Variants in ABHD12B observed in about 807,000 individuals in gnomAD.
ABHD12B encodes abhydrolase domain containing 12B.
Under a neutral mutation model 50.4 loss-of-function variants are expected in ABHD12B, and 42 were observed. That is an observed-to-expected ratio of 0.83 (90% confidence interval 0.65 to 1.08). The LOEUF (loss-of-function observed/expected upper bound fraction) is 1.08. Ranked by LOEUF, ABHD12B falls within the 50% of genes least tolerant of loss-of-function variation. ABHD12B has a pLI of 0.00. For synonymous variants in ABHD12B, 167 were observed against 160.3 expected (o/e 1.04, Z -0.32); for missense variants, 479 against 447.7 (o/e 1.07, Z -0.63).
rs887691384 is a variant in ABHD12B at position 50,895,239 on chromosome 14, CA to C, written c.780+6341del. Among the ~76,000 whole-genome samples the C allele has an allele frequency of 6.0e-5, 9 of 149,628 alleles. 1 individual carries two copies. Among genetic ancestry groups the C allele is most frequent in the African/African-American group, 2.3e-4 (9 of 39,008 alleles). ...CTGCTCCCGACATTAAATAAAACTCCAAAAATTAGATTCCGGCCCTCAAACC... is the reference window on the plus strand; with the variant it reads ...CTGCTCCCGACATTAAATAAAACTCCAAAATTAGATTCCGGCCCTCAAACC... On this transcript the variant is annotated intron_variant, in intron 9 of 12. Coordinates refer to ENST00000337334, the MANE Select transcript of ABHD12B (RefSeq NM_001206673.2).
intron 9 of ABHD12B, among the ~76,000 whole-genome samples, chr14:50,897,909 T>C (rs1324692932): frequency 6.6e-6 from 1 of 152,208 alleles, no homozygotes; most frequent in Non-Finnish European, 1.5e-5. Context: ...TAAAGTGTTA[T>C]GTATGGCAGG....
Position 50,885,904 on chromosome 14 carries a change from G to A in ABHD12B, c.662+9G>A. 6.2e-7 allele frequency: 1 copy of A among 1,613,850 alleles called. No homozygotes were observed. Among genetic ancestry groups the A allele is most frequent in the South Asian group, 1.1e-5 (1 of 91,040 alleles). ...CACTCTCTGGGTACAGGGTAAGTGA[G>A]ATCTGCAAATGTGTCCTTAGGCAGG... On this transcript the variant is annotated intron_variant, in intron 7 of 12. Transcript: ENST00000337334.
At chr14:50,886,617 A>T in intron 7 of ABHD12B, 30 bp from the exon 8 acceptor site, 1 of 1,601,646 alleles carries the variant, frequency 6.2e-7, no homozygotes, top group South Asian at 1.1e-5. Context: ...TTATTGCTTA[A>T]CACATGTACT....
At chr14:50,894,390 C>T (rs1198690643) in intron 9 of ABHD12B, among the ~76,000 whole-genome samples, 1 of 151,918 alleles carries the variant, frequency 6.6e-6, no homozygotes, top group Non-Finnish European at 1.5e-5. Flanking sequence ...AGAACCCCCC[C>T]ACCCCTTCTC....
chr14:50,904,151 C>T lies in ABHD12B; in HGVS notation c.1020C>T (p.His340=), dbSNP rs2050300666. The T allele has an allele frequency of 6.2e-7, 1 of 1,614,192 alleles. No homozygotes were observed. Residue 340 remains histidine (H), a synonymous_variant, in exon 12 of 13, where the codon CAC becomes CAT. Transcript: ENST00000337334. ...KMVIFPPGFQ[H]NLLCKSPTLL... ...TTATCTTTCCTCCTGGCTTCCAACA[C>T]AACCTGCTTTGTAAAAGCCCCACAC...
Position 50,901,828 on chromosome 14 carries a change from G to C in ABHD12B, c.781-1G>C. 1 of 1,584,686 alleles carries C rather than the reference G, an allele frequency of 6.3e-7. No homozygotes were observed. The highest frequency in any genetic ancestry group is 2.3e-5 in the East Asian group (1 of 44,336). On this transcript the variant is annotated splice_acceptor_variant, in intron 9 of 12. Coordinates refer to ENST00000337334, the MANE Select transcript of ABHD12B (RefSeq NM_001206673.2). LOFTEE classifies it high-confidence loss of function. ...AATTTTTTTTTCTTTTTTAAAAATAGATTTACCGGAACATTCCAGGATTTT... is the reference window on the plus strand; with the variant it reads ...AATTTTTTTTTCTTTTTTAAAAATACATTTACCGGAACATTCCAGGATTTT...
intron 9 of ABHD12B, among the ~76,000 whole-genome samples, chr14:50,897,034 T>TA (rs1302459608): frequency 2.0e-5 from 3 of 152,190 alleles, no homozygotes; most frequent in Non-Finnish European, 1.5e-5. Context: ...GTTATGTTGT[T>TA]AGGTACATAA....
chr14:50,888,893 C>T lies in ABHD12B; in HGVS notation c.770C>T (p.Pro257Leu). ...ATGTGGGTTGCAAGTATCAATTATC[C>T]CTTGTTAAAGGTGAGACTCTGATTC... The part of the protein sequence containing the change: ...TNMWVASINY[P>L]LLKIYRNIPG... The change falls in exon 9 of 13, where the codon CCC (proline) becomes CTC (leucine). Residue 257 changes from proline to leucine, a missense_variant. Pro to Leu is a moderately conservative substitution (Grantham distance 98, BLOSUM62 -3). Coordinates refer to ENST00000337334, the MANE Select transcript of ABHD12B (RefSeq NM_001206673.2). The T allele has an allele frequency of 6.2e-7, 1 of 1,613,872 alleles. No homozygotes were observed. Among genetic ancestry groups the T allele is most frequent in the South Asian group, 1.1e-5 (1 of 91,060 alleles).
At chr14:50,896,115 C>G (rs2050195690) in intron 9 of ABHD12B, among the ~76,000 whole-genome samples, 1 of 152,140 alleles carries the variant, frequency 6.6e-6, no homozygotes, top group Non-Finnish European at 1.5e-5. Flanking sequence ...TCATGCACCC[C>G]TTACCATCTC....
chr14:50,872,077 G>T lies in ABHD12B; in HGVS notation c.-98G>T. 1.1e-6 allele frequency: 1 copy of T among 908,746 alleles called. No individual in the cohort carries two copies. The highest frequency in any genetic ancestry group is 1.4e-6 in the Non-Finnish European group (1 of 705,750). The allele number at this position is 908,746 out of a possible 1,614,324, so 56.3% of individuals were successfully genotyped here. A position where few individuals can be genotyped will look rare whatever the true frequency, so the allele number is the denominator to read the frequency against. On this transcript the variant is annotated 5_prime_UTR_variant, in exon 1 of 13. Transcript: ENST00000337334. ...CAGCCTGCCTGACCGCGCGGAGGAG[G>T]AGGGCGGGCGCGGTGCCGCCGGGGC... is the stretch of plus-strand genomic sequence containing the variant.
chr14:50,889,499 G>A (rs2142749495), intron 9 of ABHD12B, among the ~76,000 whole-genome samples: 1 of 152,288 alleles, frequency 6.6e-6, no homozygotes, highest in East Asian at 1.9e-4. Context: ...TTAGCTGGGT[G>A]TGGCGGCACG....
intron 9 of ABHD12B, among the ~76,000 whole-genome samples, chr14:50,890,674 A>G (rs1230864314): frequency 6.6e-6 from 1 of 152,154 alleles, no homozygotes; most frequent in African/African-American, 2.4e-5. Flanking sequence ...ATACTATTCC[A>G]TTGTATGTAC....
chr14:50,900,571 T>A (rs2050250939), intron 9 of ABHD12B, among the ~76,000 whole-genome samples: 1 of 152,072 alleles, frequency 6.6e-6, no homozygotes, highest in Non-Finnish European at 1.5e-5. Flanking sequence ...GACTGGGTGG[T>A]GGGGGCAAGG....
At chr14:50,895,722 G>A (rs1408627587) in intron 9 of ABHD12B, 2 of 152,130 alleles carry the variant, frequency 1.3e-5, no homozygotes, top group African/African-American at 4.8e-5. Context: ...CACAGTGCAA[G>A]GTAGGCCCGT....
At chr14:50,877,406 A>G (rs558293007) in intron 1 of ABHD12B, among the ~76,000 whole-genome samples, 2 of 152,316 alleles carry the variant, frequency 1.3e-5, no homozygotes, top group East Asian at 3.9e-4. Flanking sequence ...ATGGGGCTAC[A>G]GTAAGGGACC....
chr14:50,895,532 C>G (rs1334810137), intron 9 of ABHD12B: 1 of 152,182 alleles, frequency 6.6e-6, no homozygotes. Context: ...TGGGACCCCA[C>G]TGAAAATCGG....
In ABHD12B at chr14:50,897,772, A is replaced by G. The variant is rs904941420; in HGVS notation, c.781-4057A>G. The stretch of plus-strand genomic sequence containing the variant: ...CATTTTTTTACCAAGGGGTTGGCGA[A>G]GACCACTGCACAGGGTTGTTGTGAA... On this transcript the variant is annotated intron_variant, in intron 9 of 12. Transcript: ENST00000337334. Among the ~76,000 whole-genome samples, 8 of 152,372 alleles carry G rather than the reference A, an allele frequency of 5.3e-5. No individual in the cohort carries two copies. In the South Asian group the frequency reaches 1.7e-3, roughly 32 times the overall value.
rs770540936 is a variant in ABHD12B, at chr14:50,878,944, C to T, written c.335+97C>T. On this transcript the variant is annotated intron_variant, in intron 3 of 12. Transcript: ENST00000337334. ...CTGTGTTACCTGCCCACGGAGAGGT[C>T]GGTGCTCCTGGAGGTACCTGGAGGC... 5.3e-5 allele frequency: 51 copies of T among 966,478 alleles called. 1 individual carries two copies. Among genetic ancestry groups the T allele is most frequent in the South Asian group, 3.8e-4 (26 of 69,284 alleles). 59.9% of individuals were successfully genotyped at this position (966,478 alleles called of 1,614,324 possible).
chr14:50,899,262 C>T (rs1477736282), intron 9 of ABHD12B, among the ~76,000 whole-genome samples: 1 of 152,198 alleles, frequency 6.6e-6, no homozygotes, highest in Non-Finnish European at 1.5e-5. Flanking sequence ...TAAGCCAGAA[C>T]TATGAAGCAG....
Sources: allele counts gnomAD v4.1 joint callset (sites outside exome capture counted in the v4.1 genomes callset), GRCh38; gene constraint gnomAD v4.1.1; transcripts MANE v1.5; gene names NCBI Gene and HGNC (gene_info 2026-07-23, HGNC 2026-07-21).